The following VASH2 variants were observed in gnomAD, a reference collection of about 807,000 sequenced individuals.
VASH2 encodes the protein tubulinyl-Tyr carboxypeptidase 2.
In VASH2, 28 loss-of-function variants were observed where a neutral mutation model predicts 37.2. The ratio of observed to expected loss-of-function variants is 0.75; its 90% confidence interval spans 0.56 to 1.03. VASH2 has a LOEUF of 1.03. VASH2 is among the 50% of genes least tolerant of loss of function. The probability of loss-of-function intolerance (pLI) is 0.00; values close to 1 mark genes in which losing one functional copy is unlikely to be tolerated. For missense variants in VASH2, 419 were observed against 459.1 expected (o/e 0.91, Z 0.80); for synonymous variants, 188 against 174.7 (o/e 1.08, Z -0.60).
In VASH2 at chr1:212,988,726, G is replaced by T. The variant is rs1221096784; in HGVS notation, c.*142G>T. ...ATTCACCTGGAAATAGAATCTGAGTGGGTGGTAACCATTAGCTTTAAAAAA... is the reference window on the plus strand; with the variant it reads ...ATTCACCTGGAAATAGAATCTGAGTTGGTGGTAACCATTAGCTTTAAAAAA... On this transcript the variant is annotated 3_prime_UTR_variant, in exon 8 of 8. Coordinates refer to ENST00000517399, the MANE Select transcript of VASH2 (RefSeq NM_001301056.2). 6 of 916,586 alleles carry T rather than the reference G, an allele frequency of 6.5e-6. No individual in the cohort carries two copies. In the African/African-American group the frequency reaches 1.0e-4, roughly 15 times the overall value. 56.8% of individuals were successfully genotyped at this position (916,586 alleles called of 1,614,324 possible).
At chr1:212,963,514 G>C (rs1190580810) in intron 3 of VASH2, among the ~76,000 whole-genome samples, 6 of 151,438 alleles carry the variant, frequency 4.0e-5, no homozygotes, top group African/African-American at 1.2e-4. Flanking sequence ...GGTGGGGATA[G>C]GAAAGGACAA....
intron 3 of VASH2, among the ~76,000 whole-genome samples, chr1:212,964,667 C>T (rs1666783200): frequency 6.6e-6 from 1 of 152,120 alleles, no homozygotes; most frequent in Non-Finnish European, 1.5e-5. Context: ...TGCCAAGTGC[C>T]AGCATAGGCA....
At position 212,974,002 on chromosome 1, in the gene VASH2, G is replaced by A. The variant is rs1180709564; in HGVS notation, c.927G>A (p.Arg309=). ...ACTCTCCGACCCAAGTGAGAAGCCG[G>A]GGAAAATCCCTGTCCCCCAGAAGGA... ...SAHSPTQVRS[R]GKSLSPRRRQ... is the part of the protein sequence containing the mutation. Residue 309 remains arginine (R), a synonymous_variant, in exon 7 of 8, where the codon CGG becomes CGA. Coordinates refer to ENST00000517399, the MANE Select transcript of VASH2 (RefSeq NM_001301056.2). 2.5e-6 allele frequency: 4 copies of A among 1,613,732 alleles called. No individual in the cohort carries two copies. The highest frequency in any genetic ancestry group is 1.7e-6 in the Non-Finnish European group (2 of 1,179,940).
chr1:212,971,087 T>G lies in VASH2; in HGVS notation c.498-1493T>G, dbSNP rs79658810. Among the ~76,000 whole-genome samples, 179 of 152,318 alleles carry G rather than the reference T, an allele frequency of 1.2e-3. 1 individual carries two copies. In the East Asian group the frequency reaches 0.033, roughly 28 times the overall value. On this transcript the variant is annotated intron_variant, in intron 5 of 7. Coordinates refer to ENST00000517399, the MANE Select transcript of VASH2 (RefSeq NM_001301056.2). This position sits in a 1 kb window ranked among gnomAD's most constrained non-coding sequence, Gnocchi z 4.0. ...TCCTTTTGTATTAGGCTGATTTCAC[T>G]CAGCATGTCTTCAAGGCTCATTCTG...
At position 212,951,910 on chromosome 1, in the gene VASH2, T is replaced by A; in HGVS notation, c.276+92T>A. The A allele has an allele frequency of 7.2e-7, 1 of 1,397,452 alleles. No individual in the cohort carries two copies. The highest frequency in any genetic ancestry group is 1.4e-5 in the South Asian group (1 of 72,844). 86.6% of individuals were successfully genotyped at this position (1,397,452 alleles called of 1,614,324 possible). Reference sequence around the variant, plus strand: ...CTATACATAGCAAACACAGGCAATCTCCATTTTCCTAGTCCTGCTACAAAC... The same window carrying A: ...CTATACATAGCAAACACAGGCAATCACCATTTTCCTAGTCCTGCTACAAAC... On this transcript the variant is annotated intron_variant, in intron 2 of 7. Transcript: ENST00000517399. The surrounding 1 kb of genome is among the most constrained non-coding windows in gnomAD (Gnocchi z 4.4).
At chr1:212,969,752 G>A (rs1002995575) in intron 5 of VASH2, among the ~76,000 whole-genome samples, 6 of 152,218 alleles carry the variant, frequency 3.9e-5, no homozygotes, top group African/African-American at 1.4e-4. Flanking sequence ...CTCGGGGATA[G>A]TGAAGGATAT....
chr1:212,978,622 G>A (rs768120234), intron 7 of VASH2, among the ~76,000 whole-genome samples: 3 of 152,156 alleles, frequency 2.0e-5, no homozygotes, highest in East Asian at 3.8e-4. Context: ...CCCTGCCCTC[G>A]AGCCCTTCCT....
Position 212,950,661 on chromosome 1 carries a change from A to G in VASH2, c.-284A>G. 1 of 157,622 alleles carries G rather than the reference A, an allele frequency of 6.3e-6. No individual in the cohort carries two copies. Among genetic ancestry groups the G allele is most frequent in the Non-Finnish European group, 1.4e-5 (1 of 71,674 alleles). The allele number at this position is 157,622 out of a possible 1,614,324, so 9.8% of individuals were successfully genotyped here. Reference sequence around the variant, plus strand: ...CCCCAGCAGCCCCAGCCCCAGCCCCAGGCCCAGCAGCAGCAGCAGCAGCCC... The same window carrying G: ...CCCCAGCAGCCCCAGCCCCAGCCCCGGGCCCAGCAGCAGCAGCAGCAGCCC... On this transcript the variant is annotated 5_prime_UTR_variant, in exon 1 of 8. Transcript: ENST00000517399. The surrounding 1 kb of genome is among the most constrained non-coding windows in gnomAD (Gnocchi z 5.5).
At chr1:212,965,668 A>G (rs1186186620) in intron 3 of VASH2, 54 bp from the exon 4 acceptor site, 2 of 1,473,430 alleles carry the variant, frequency 1.4e-6, no homozygotes, top group East Asian at 2.5e-5. Context: ...TCTCTGCCAC[A>G]TTACTGGGAC....
intron 5 of VASH2, chr1:212,967,760 T>G (rs1199159595): frequency 6.5e-6 from 1 of 154,744 alleles, no homozygotes; most frequent in Non-Finnish European, 1.4e-5. Flanking sequence ...TTTTAAGAGC[T>G]ATCAAGGAGA....
intron 2 of VASH2, among the ~76,000 whole-genome samples, chr1:212,952,049 T>C (rs1299607483): frequency 2.0e-5 from 3 of 152,160 alleles, no homozygotes; most frequent in Non-Finnish European, 2.9e-5. Context: ...TGGGACTGTG[T>C]AATTGGATTG....
At chr1:212,961,610 T>G (rs1666679153) in intron 3 of VASH2, among the ~76,000 whole-genome samples, 1 of 152,194 alleles carries the variant, frequency 6.6e-6, no homozygotes, top group Non-Finnish European at 1.5e-5. Context: ...TCCTTCACTG[T>G]CCTTCTTTTT....
At chr1:212,954,537 C>T (rs1666423736) in intron 2 of VASH2, among the ~76,000 whole-genome samples, 1 of 152,168 alleles carries the variant, frequency 6.6e-6, no homozygotes, top group South Asian at 2.1e-4. Flanking sequence ...TCTCCTGCCT[C>T]AGCCTCCTGA....
intron 5 of VASH2, among the ~76,000 whole-genome samples, chr1:212,972,033 G>A (rs977946789): frequency 6.6e-6 from 1 of 152,194 alleles, no homozygotes; most frequent in African/African-American, 2.4e-5. Flanking sequence ...GCTTGGTGCT[G>A]CTGCTCCCCC....
chr1:212,963,349 C>T (rs1666736040), intron 3 of VASH2, among the ~76,000 whole-genome samples: 1 of 152,208 alleles, frequency 6.6e-6, no homozygotes, highest in Non-Finnish European at 1.5e-5. Flanking sequence ...GGGGCCACTG[C>T]ACGAGGAAGA....
In VASH2 at chr1:212,989,776, A is replaced by C. The variant is rs78550876; in HGVS notation, c.*1192A>C. ...TCTTCGGTCCAGTGTTACACCTTATAGTGTAATTCAGTCCCTAAGCACAGA... is the reference window on the plus strand; with the variant it reads ...TCTTCGGTCCAGTGTTACACCTTATCGTGTAATTCAGTCCCTAAGCACAGA... On this transcript the variant is annotated 3_prime_UTR_variant, in exon 8 of 8. Transcript: ENST00000517399. The C allele has an allele frequency of 3.3e-3, 504 of 152,240 alleles. 5 individuals carry two copies. The highest frequency in any genetic ancestry group is 0.012 in the African/African-American group (479 of 41,520). 9.4% of individuals were successfully genotyped at this position (152,240 alleles called of 1,614,324 possible). A position where few individuals can be genotyped will look rare whatever the true frequency, so the allele number is the denominator to read the frequency against.
chr1:212,980,584 G>T (rs1455828057), intron 7 of VASH2, among the ~76,000 whole-genome samples: 1 of 152,168 alleles, frequency 6.6e-6, no homozygotes, highest in Non-Finnish European at 1.5e-5. Context: ...GCAGGGCCTT[G>T]AGCTGGACAA....
rs539274314 is a variant in VASH2, at chr1:212,972,516, C to T, written c.498-64C>T. 5.1e-5 allele frequency: 80 copies of T among 1,578,914 alleles called. 1 individual carries two copies. The South Asian group carries it at 8.9e-4, about 18-fold the overall frequency. ...ACTGAACCCTGAGACACTTTCCCTT[C>T]CTTTGCATCCAGGCTTCAAATTTTC... On this transcript the variant is annotated intron_variant, in intron 5 of 7. Transcript: ENST00000517399.
chr1:212,973,039 C>T, intron 6 of VASH2, 78 bp downstream of exon 6: 1 of 1,531,154 alleles, frequency 6.5e-7, no homozygotes, highest in Non-Finnish European at 8.7e-7. Flanking sequence ...TGCTCCAGGC[C>T]TCATTTTTCT....
Sources: allele counts gnomAD v4.1 joint callset (sites outside exome capture counted in the v4.1 genomes callset), GRCh38; gene constraint gnomAD v4.1.1; non-coding constraint Gnocchi (gnomAD v3.1); transcripts MANE v1.5; gene names NCBI Gene and HGNC (gene_info 2026-07-23, HGNC 2026-07-21).